Variants in ANKRD36C observed in about 807,000 individuals in gnomAD.
ANKRD36C encodes the protein ankyrin repeat domain-containing protein 36C.
Under a neutral mutation model 276.4 loss-of-function variants are expected in ANKRD36C, and 61 were observed. The observed-to-expected ratio is 0.22, with a 90% confidence interval of 0.18 to 0.27. ANKRD36C has a LOEUF of 0.27. ANKRD36C is among the 10% of genes least tolerant of loss of function. The pLI is 1.00. For missense variants in ANKRD36C, 1,447 were observed against 2,032.3 expected (o/e 0.71, Z 5.54); for synonymous variants, 483 against 680.1 (o/e 0.71, Z 4.51).
intron 6 of ANKRD36C, 145 bp downstream of exon 6, chr2:95,977,977 A>T (rs1396513386): frequency 3.4e-6 from 1 of 295,036 alleles, no homozygotes; most frequent in Non-Finnish European, 6.4e-6. Context: ...TTAAATAATT[A>T]TAAAATCTAG....
chr2:95,968,561 TTC>T (rs771777122), intron 6 of ANKRD36C, among the ~76,000 whole-genome samples: 15 of 152,196 alleles, frequency 9.9e-5, no homozygotes, highest in Admixed American at 1.3e-4. Context: ...GATGTTCCTC[TTC>T]TCTCACACCG....
intron 46 of ANKRD36C, among the ~76,000 whole-genome samples, chr2:95,891,173 A>T (rs1310488451): frequency 3.3e-5 from 5 of 151,574 alleles, no homozygotes; most frequent in Non-Finnish European, 5.9e-5. Flanking sequence ...ATTATATAAA[A>T]GAATTCCTCT....
At chr2:95,959,250 G>T (rs373518598) in intron 10 of ANKRD36C, among the ~76,000 whole-genome samples, 2,817 of 151,802 alleles carry the variant, frequency 0.019, 53 homozygotes, top group Middle Eastern at 0.037. Context: ...AGGTAAACAA[G>T]GACAATGGCA....
intron 65 of ANKRD36C, 89 bp from the exon 86 acceptor site, chr2:95,851,876 C>T (rs1174329052): frequency 5.1e-6 from 7 of 1,376,368 alleles, no homozygotes; most frequent in Non-Finnish European, 5.9e-6. Flanking sequence ...GGTATAATTA[C>T]ACAAATTCTT....
At chr2:95,925,286 T>C in intron 30 of ANKRD36C, 66 bp downstream of exon 30, 1 of 1,544,344 alleles carries the variant, frequency 6.5e-7, no homozygotes, top group Non-Finnish European at 8.7e-7. Flanking sequence ...CACTGATCTA[T>C]TCAGGGGTGG....
At chr2:95,943,118 T>G (rs1285296200) in intron 19 of ANKRD36C, among the ~76,000 whole-genome samples, 1 of 152,368 alleles carries the variant, frequency 6.6e-6, no homozygotes, top group African/African-American at 2.4e-5. Context: ...AATTTATTTC[T>G]TTAAGAGGGT....
chr2:95,990,871 A>G (rs1679124824), intron 1 of ANKRD36C, among the ~76,000 whole-genome samples: 1 of 152,242 alleles, frequency 6.6e-6, no homozygotes, highest in Non-Finnish European at 1.5e-5. Context: ...ATGTAACATT[A>G]TGCTTTAAAA....
chr2:95,908,734 A>G (rs1206162662), intron 42 of ANKRD36C, 37 bp from the exon 47 acceptor site: 1 of 1,541,318 alleles, frequency 6.5e-7, no homozygotes, highest in Admixed American at 2.0e-5. Context: ...ACTCATATGT[A>G]AAAATGACAA....
At chr2:95,956,858 G>T in intron 12 of ANKRD36C, 42 bp from the exon 13 acceptor site, 1 of 1,485,004 alleles carries the variant, frequency 6.7e-7, no homozygotes, top group East Asian at 2.5e-5. Flanking sequence ...TCAACAATAG[G>T]AACCTATAAA....
chr2:95,920,983 T>C (rs1230911358), intron 34 of ANKRD36C, among the ~76,000 whole-genome samples: 9 of 150,510 alleles, frequency 6.0e-5, no homozygotes, highest in African/African-American at 1.7e-4. Context: ...CTAGCATTGT[T>C]TCCTGCTTCC....
At chr2:95,854,389 A>G (rs2104242717) in intron 63 of ANKRD36C, among the ~76,000 whole-genome samples, 1 of 151,416 alleles carries the variant, frequency 6.6e-6, no homozygotes. Context: ...TCTCCTCCGT[A>G]CTCACTCCAT....
At chr2:95,910,599 A>T (rs1248283808) in intron 42 of ANKRD36C, 31 bp from the exon 45 acceptor site, 3 of 1,603,672 alleles carry the variant, frequency 1.9e-6, no homozygotes, top group Non-Finnish European at 2.5e-6. Context: ...ATAATCACTC[A>T]TATGTAAATA....
Position 95,851,797 on chromosome 2 carries a change from G to A in ANKRD36C, c.5220-10C>T. On this transcript the variant is annotated splice_polypyrimidine_tract_variant and intron_variant, in intron 65 of 66. Transcript: ENST00000456556. ...ATTTTCTACTTCAAGCCTAAAATGT[G>A]CATTTTAAAATAATTACTCTCACAC... 6.6e-7 allele frequency: 1 copy of A among 1,524,084 alleles called. No individual in the cohort carries two copies. The highest frequency in any genetic ancestry group is 8.9e-7 in the Non-Finnish European group (1 of 1,129,560). The allele number at this position is 1,524,084 out of a possible 1,614,324, so 94.4% of individuals were successfully genotyped here. A position where few individuals can be genotyped will look rare whatever the true frequency, so the allele number is the denominator to read the frequency against.
intron 61 of ANKRD36C, among the ~76,000 whole-genome samples, chr2:95,859,452 A>T (rs1367494335): frequency 1.3e-5 from 2 of 152,202 alleles, no homozygotes; most frequent in African/African-American, 4.8e-5. Context: ...TCAAAGATCT[A>T]AAACAGATCT....
intron 1 of ANKRD36C, among the ~76,000 whole-genome samples, chr2:95,990,347 T>A (rs1272984823): frequency 3.3e-5 from 5 of 152,228 alleles, no homozygotes; most frequent in Non-Finnish European, 7.3e-5. Context: ...CGCCATTACT[T>A]GTAATTGCGG....
In ANKRD36C at chr2:95,908,649, A is replaced by G; in HGVS notation, c.2653+3595T>C. 6.4e-7 allele frequency: 1 copy of G among 1,565,248 alleles called. No homozygotes were observed. On this transcript the variant is annotated intron_variant, in intron 42 of 66. Coordinates refer to ENST00000456556, the Ensembl canonical transcript of ANKRD36C. The stretch of plus-strand genomic sequence containing the variant: ...GACTATACATTTACTAGTTCACAAC[A>G]TAAATGACAGTTTCATTACCTTCAA...
At chr2:95,990,517 T>C (rs911924718) in intron 1 of ANKRD36C, among the ~76,000 whole-genome samples, 4 of 152,224 alleles carry the variant, frequency 2.6e-5, no homozygotes, top group African/African-American at 9.7e-5. Flanking sequence ...GAAAGGCAAG[T>C]CTTTTTTGAC....
chr2:95,981,698 G>C (rs1264372908), intron 4 of ANKRD36C, among the ~76,000 whole-genome samples: 2 of 151,446 alleles, frequency 1.3e-5, no homozygotes, highest in Non-Finnish European at 2.9e-5. Context: ...AAACATACTT[G>C]GTGATAAGTA....
chr2:95,960,527 C>T (rs1459631799), exon 10 of ANKRD36C: 5 of 1,525,596 alleles, frequency 3.3e-6, no homozygotes, highest in Non-Finnish European at 3.5e-6. Flanking sequence ...GAAACAGAAT[C>T]GTTCTTGTCA....
Sources: gnomAD v4.1 joint callset for allele counts (sites outside exome capture counted in the v4.1 genomes callset) on GRCh38, gnomAD v4.1.1 for gene constraint, MANE v1.5 for transcripts, NCBI Gene and HGNC (gene_info 2026-07-23, HGNC 2026-07-21) for gene names.